The following GPR141 variants were observed in gnomAD, a reference collection of about 807,000 sequenced individuals.
GPR141 encodes probable G protein-coupled receptor 141.
A neutral mutation model predicts 6.8 loss-of-function variants in GPR141; 6 were observed. That is an observed-to-expected ratio of 0.88 (90% confidence interval 0.48 to 1.74). The LOEUF (loss-of-function observed/expected upper bound fraction) is 1.74, where lower values mean the gene tolerates loss of function less well. GPR141 is among the 40% of genes most tolerant of loss of function. The pLI is 0.01. For missense variants in GPR141, 372 were observed against 372.9 expected, an observed-to-expected ratio of 1.00 and a Z score of 0.02; for synonymous variants, 140 against 142.3, an observed-to-expected ratio of 0.98 and a Z score of 0.11.
At chr7:37,689,011 T>A (rs1035910050) in intron 2 of GPR141, among the ~76,000 whole-genome samples, 1 of 152,134 alleles carries the variant, frequency 6.6e-6, no homozygotes, top group Middle Eastern at 3.2e-3. Context: ...TTTCCAGAAG[T>A]TTTTCGTTAT....
chr7:37,716,543 G>A (rs192752164), intron 2 of GPR141, among the ~76,000 whole-genome samples: 55 of 152,272 alleles, frequency 3.6e-4, no homozygotes, highest in Admixed American at 1.7e-3. Context: ...CAGGGTTTTA[G>A]TAGAAAATAT....
intron 2 of GPR141, among the ~76,000 whole-genome samples, chr7:37,735,661 A>C (rs1248115452): frequency 6.6e-6 from 1 of 152,224 alleles, no homozygotes; most frequent in African/African-American, 2.4e-5. Flanking sequence ...AATATACAGA[A>C]TTTATTAGTA....
chr7:37,702,352 C>G (rs186062822), intron 2 of GPR141, among the ~76,000 whole-genome samples: 3 of 152,066 alleles, frequency 2.0e-5, no homozygotes, highest in Admixed American at 2.0e-4. Flanking sequence ...TTCCTCCCTT[C>G]TGTCTTTTTT....
chr7:37,705,797 T>C (rs1810498295), intron 2 of GPR141, among the ~76,000 whole-genome samples: 1 of 152,192 alleles, frequency 6.6e-6, no homozygotes. Context: ...CGTGTCACTA[T>C]TTTGCAAAAG....
In GPR141 at chr7:37,742,471, C is replaced by G. The variant is rs1350477145; in HGVS notation, c.*1160C>G. Among the ~76,000 whole-genome samples, 2 of 151,886 alleles carry G rather than the reference C, an allele frequency of 1.3e-5. No homozygotes were observed. Reference sequence around the variant, plus strand: ...CCATGTGTTTTCATTGTTCAACTCCCACTTCTAAGTGAGAACATGCGGTGT... The same window carrying G: ...CCATGTGTTTTCATTGTTCAACTCCGACTTCTAAGTGAGAACATGCGGTGT... On this transcript the variant is annotated 3_prime_UTR_variant, in exon 3 of 3. Transcript: ENST00000334425.
At chr7:37,699,327 C>T (rs928098605) in intron 2 of GPR141, among the ~76,000 whole-genome samples, 3 of 152,218 alleles carry the variant, frequency 2.0e-5, no homozygotes, top group African/African-American at 4.8e-5. Flanking sequence ...TTTGGGAGGC[C>T]GAGGCGGGTG....
chr7:37,711,273 C>T (rs1212297813), intron 2 of GPR141, among the ~76,000 whole-genome samples: 1 of 152,068 alleles, frequency 6.6e-6, no homozygotes, highest in Non-Finnish European at 1.5e-5. Flanking sequence ...TGGGTGGGGC[C>T]CTGGTGATGC....
chr7:37,724,379 G>C (rs912509073), intron 2 of GPR141, among the ~76,000 whole-genome samples: 2 of 152,122 alleles, frequency 1.3e-5, no homozygotes, highest in Non-Finnish European at 2.9e-5. Context: ...AGAGGAGGAG[G>C]ACTGTGAGAG....
At chr7:37,725,416 G>T (rs911318252) in intron 2 of GPR141, among the ~76,000 whole-genome samples, 1 of 152,114 alleles carries the variant, frequency 6.6e-6, no homozygotes, top group African/African-American at 2.4e-5. Flanking sequence ...GCAGGGTGAG[G>T]CATCCAGGGC....
Position 37,740,721 on chromosome 7 carries a change from C to G in GPR141, c.328C>G (p.Leu110Val), listed in dbSNP as rs1812502908. Residue 110 changes from leucine to valine, a missense_variant, in exon 3 of 3, where the codon CTG becomes GTG. Physicochemically the swap from Leu to Val is conservative, Grantham distance 32. Transcript: ENST00000334425. ...CACGTTCCTATTCTATGTGGTGATC[C>G]TGGTCACCAGATACCTCATCTTCTT... ...YLTFLFYVVILVTRYLIFFKC... is the reference protein window; with the variant it reads ...YLTFLFYVVIVVTRYLIFFKC... The G allele has an allele frequency of 3.1e-6, 5 of 1,613,354 alleles. No homozygotes were observed. Among genetic ancestry groups the G allele is most frequent in the Admixed American group, 1.7e-5 (1 of 59,972 alleles).
At chr7:37,696,937 A>G (rs1810044137) in intron 2 of GPR141, among the ~76,000 whole-genome samples, 1 of 152,140 alleles carries the variant, frequency 6.6e-6, no homozygotes, top group Non-Finnish European at 1.5e-5. Context: ...TTTTAATAGT[A>G]AAATAGAAAT....
intron 2 of GPR141, among the ~76,000 whole-genome samples, chr7:37,719,441 T>C (rs552941304): frequency 1.4e-4 from 21 of 152,354 alleles, no homozygotes; most frequent in African/African-American, 5.0e-4. Flanking sequence ...TCATCCAGCA[T>C]TGATGGTTAG....
At chr7:37,730,274 G>A (rs1249017679) in intron 2 of GPR141, among the ~76,000 whole-genome samples, 1 of 152,102 alleles carries the variant, frequency 6.6e-6, no homozygotes, top group Non-Finnish European at 1.5e-5. Context: ...CAAATTCTGA[G>A]CTACGGCACA....
intron 2 of GPR141, 115 bp from the exon 3 acceptor site, chr7:37,740,265 A>C: frequency 1.5e-6 from 1 of 685,914 alleles, no homozygotes; most frequent in East Asian, 2.5e-5. Flanking sequence ...TAAAGCATGT[A>C]AAGTTTATAT....
chr7:37,706,273 A>C (rs1810518444), intron 2 of GPR141, among the ~76,000 whole-genome samples: 1 of 152,212 alleles, frequency 6.6e-6, no homozygotes, highest in African/African-American at 2.4e-5. Context: ...AAGATGGTGC[A>C]AGTCTGTCAA....
At chr7:37,734,650 T>A (rs1242287049) in intron 2 of GPR141, among the ~76,000 whole-genome samples, 1 of 152,180 alleles carries the variant, frequency 6.6e-6, no homozygotes, top group Non-Finnish European at 1.5e-5. Flanking sequence ...AAAGAGAAGG[T>A]CAGATAGATC....
At chr7:37,726,258 G>A (rs936018228) in intron 2 of GPR141, among the ~76,000 whole-genome samples, 3 of 152,216 alleles carry the variant, frequency 2.0e-5, no homozygotes, top group African/African-American at 7.2e-5. Context: ...TCTGAGAAAG[G>A]TGAGAAGCCA....
intron 2 of GPR141, among the ~76,000 whole-genome samples, chr7:37,710,004 G>A (rs1352252754): frequency 6.6e-6 from 1 of 152,154 alleles, no homozygotes; most frequent in Non-Finnish European, 1.5e-5. Context: ...TGGATTCTCT[G>A]TTCATGAAGC....
chr7:37,729,421 G>A (rs1811803324), intron 2 of GPR141, among the ~76,000 whole-genome samples: 1 of 152,164 alleles, frequency 6.6e-6, no homozygotes, highest in South Asian at 2.1e-4. Flanking sequence ...TCAGTTGTTG[G>A]TCTAGATCCA....
Sources: allele counts gnomAD v4.1 joint callset (sites outside exome capture counted in the v4.1 genomes callset), GRCh38; gene constraint gnomAD v4.1.1; transcripts MANE v1.5; gene names NCBI Gene and HGNC (gene_info 2026-07-23, HGNC 2026-07-21).